Variants in MAF observed in about 807,000 individuals in gnomAD.
The protein encoded by MAF is transcription factor Maf.
MAF carries 10 observed loss-of-function variants against 22.0 expected under a neutral mutation model. The ratio of observed to expected loss-of-function variants is 0.45; its 90% CI spans 0.28 to 0.77. MAF has a LOEUF of 0.77. Ranked by LOEUF, MAF falls within the 30% of genes least tolerant of loss-of-function variation. The pLI is 0.12. For missense variants in MAF, 544 were observed against 548.4 expected (o/e 0.99, Z 0.08); for synonymous variants, 337 against 255.8 (o/e 1.32, Z -3.03).
chr16:79,368,075 C>T, the MAF span, among the ~76,000 whole-genome samples: 82 of 152,188 alleles, frequency 5.4e-4, no homozygotes, highest in Non-Finnish European at 8.5e-4. Context: ...CTAGAGGCTT[C>T]CCCGTCTGCA....
At chr16:79,330,980 A>G in the MAF span, among the ~76,000 whole-genome samples, 5 of 152,226 alleles carry the variant, frequency 3.3e-5, no homozygotes, top group African/African-American at 1.2e-4. Flanking sequence ...AGTGGCGAAC[A>G]ATGGTAAGAA....
chr16:79,337,538 A>T, the MAF span, among the ~76,000 whole-genome samples: 24 of 151,310 alleles, frequency 1.6e-4, no homozygotes, highest in Middle Eastern at 3.4e-3. Flanking sequence ...ACTACACTCC[A>T]GCCTGGATGA....
chr16:79,235,628 C>T, the MAF span, among the ~76,000 whole-genome samples: 1 of 151,988 alleles, frequency 6.6e-6, no homozygotes, highest in Non-Finnish European at 1.5e-5. Flanking sequence ...AGGTGCTTCT[C>T]ATATGGGCAA....
At chr16:79,486,842 A>C in the MAF span, among the ~76,000 whole-genome samples, 6 of 152,216 alleles carry the variant, frequency 3.9e-5, no homozygotes, top group African/African-American at 1.4e-4. Context: ...TGAGAAATAA[A>C]GTTTATTGCA....
At chr16:79,380,013 T>G in the MAF span, among the ~76,000 whole-genome samples, 3 of 152,160 alleles carry the variant, frequency 2.0e-5, no homozygotes, top group Non-Finnish European at 4.4e-5. Context: ...TGCTTCAAGG[T>G]CCAGGTAACA....
the MAF span, chr16:79,204,998 T>C: frequency 6.6e-6 from 1 of 152,212 alleles, no homozygotes; most frequent in Non-Finnish European, 1.5e-5. Flanking sequence ...GAGAATGGCA[T>C]GGCCTTTGTA....
At chr16:79,421,923 A>G in the MAF span, among the ~76,000 whole-genome samples, 3 of 152,132 alleles carry the variant, frequency 2.0e-5, no homozygotes, top group African/African-American at 7.2e-5. Context: ...GATCACAGGC[A>G]TGTGCCATCA....
At chr16:79,293,665 T>C in the MAF span, among the ~76,000 whole-genome samples, 1 of 152,140 alleles carries the variant, frequency 6.6e-6, no homozygotes, top group Non-Finnish European at 1.5e-5. Flanking sequence ...ACTCTTTTTC[T>C]CCCAACTCTT....
the MAF span, among the ~76,000 whole-genome samples, chr16:79,344,197 C>G: frequency 2.0e-5 from 3 of 152,188 alleles, no homozygotes; most frequent in Non-Finnish European, 4.4e-5. Flanking sequence ...TACTGCTCAA[C>G]AGCCCAGGAG....
Position 79,600,499 on chromosome 16 carries a change from C to T in MAF, c.-597G>A, listed in dbSNP as rs981860368. The T allele has an allele frequency of 6.7e-5, 13 of 194,950 alleles. No homozygotes were observed. The highest frequency in any genetic ancestry group is 5.1e-4 in the Admixed American group (8 of 15,826). 12.1% of individuals were successfully genotyped at this position (194,950 alleles called of 1,614,324 possible). A position where few individuals can be genotyped will look rare whatever the true frequency, so the allele number is the denominator to read the frequency against. ...CTCTTTATTATTTTTTTTCTTTCCT[C>T]TCTCTCCCTCGCGCGCTCTCTACCT... On this transcript the variant is annotated 5_prime_UTR_variant, in exon 1 of 2. Transcript: ENST00000326043.
the MAF span, among the ~76,000 whole-genome samples, chr16:79,365,101 T>C: frequency 1.3e-5 from 2 of 152,310 alleles, no homozygotes; most frequent in Non-Finnish European, 2.9e-5. Flanking sequence ...ACTATTTACA[T>C]TGAGTTGGGT....
the MAF span, among the ~76,000 whole-genome samples, chr16:79,413,236 TTTTTTTTTTTTTTTTTTTTTTTTTG>T: frequency 8.5e-5 from 7 of 82,092 alleles, no homozygotes; most frequent in African/African-American, 1.5e-4. Flanking sequence ...TTTTTTTTTT[TTTTTTTTTTTTTTTTTTTTTTTTTG>T]AGACGGAGTC....
chr16:79,444,393 G>T, the MAF span, among the ~76,000 whole-genome samples: 1 of 152,124 alleles, frequency 6.6e-6, no homozygotes, highest in Admixed American at 6.5e-5. Flanking sequence ...AATTAGCGTG[G>T]ATTTTATAGT....
chr16:79,354,703 A>AT, the MAF span, among the ~76,000 whole-genome samples: 6 of 152,236 alleles, frequency 3.9e-5, no homozygotes, highest in Non-Finnish European at 7.3e-5. Context: ...GTCCTGCAGG[A>AT]CAAAACAGTT....
chr16:79,414,595 C>G, the MAF span, among the ~76,000 whole-genome samples: 1 of 152,138 alleles, frequency 6.6e-6, no homozygotes, highest in Non-Finnish European at 1.5e-5. Context: ...AATATCCAAA[C>G]TATATCAGTG....
At chr16:79,257,591 T>C in the MAF span, among the ~76,000 whole-genome samples, 18 of 152,318 alleles carry the variant, frequency 1.2e-4, no homozygotes, top group South Asian at 1.0e-3. Context: ...CTGCTTATCT[T>C]GCTCAGCCTC....
the MAF span, among the ~76,000 whole-genome samples, chr16:79,408,963 T>C: frequency 6.6e-6 from 1 of 151,556 alleles, no homozygotes. Flanking sequence ...TTTTTTTTTT[T>C]TTAAATTAGG....
the MAF span, among the ~76,000 whole-genome samples, chr16:79,516,562 T>C: frequency 2.6e-5 from 4 of 152,216 alleles, no homozygotes; most frequent in Non-Finnish European, 2.9e-5. Flanking sequence ...TAATACATGA[T>C]GATTTTAGTT....
At chr16:79,303,192 G>C in the MAF span, among the ~76,000 whole-genome samples, 1 of 152,202 alleles carries the variant, frequency 6.6e-6, no homozygotes, top group African/African-American at 2.4e-5. Flanking sequence ...CTTAGAGCTG[G>C]AAGCATATTG....
Sources: gnomAD v4.1 joint callset for allele counts (sites outside exome capture counted in the v4.1 genomes callset) on GRCh38, gnomAD v4.1.1 for gene constraint, MANE v1.5 for transcripts, NCBI Gene and HGNC (gene_info 2026-07-23, HGNC 2026-07-21) for gene names.